CSMD1: variants seen among roughly 807,000 people sequenced by gnomAD.
The protein encoded by CSMD1 is CUB and sushi domain-containing protein 1.
A neutral mutation model predicts 417.5 loss-of-function variants in CSMD1; 213 were observed. The observed-to-expected ratio is 0.51, with a 90% CI of 0.46 to 0.57. The LOEUF (loss-of-function observed/expected upper bound fraction) is 0.57. CSMD1 is among the 20% of genes least tolerant of loss of function. The pLI, the probability that CSMD1 is intolerant of heterozygous loss-of-function variation, is 0.00. For synonymous variants in CSMD1, 2,862 were observed against 1,736.8 expected (o/e 1.65, Z -16.11); for missense variants, 6,923 against 4,529.7 (o/e 1.53, Z -15.17).
intron 26 of CSMD1, among the ~76,000 whole-genome samples, chr8:3,262,094 G>C (rs73500035): frequency 0.023 from 3,497 of 149,854 alleles, 123 homozygotes; most frequent in African/African-American, 0.081. Flanking sequence ...AATTAAAAAA[G>C]TAAAGGTTAT....
intron 1 of CSMD1, among the ~76,000 whole-genome samples, chr8:4,717,069 G>A (rs1447255838): frequency 6.6e-6 from 1 of 151,782 alleles, no homozygotes; most frequent in Non-Finnish European, 1.5e-5. Flanking sequence ...GGAAAAATAA[G>A]TCCTACCTTC....
intron 3 of CSMD1, among the ~76,000 whole-genome samples, chr8:4,342,299 C>T (rs891350628): frequency 1.3e-5 from 2 of 151,716 alleles, no homozygotes; most frequent in Non-Finnish European, 2.9e-5. Context: ...AGCCAAGATT[C>T]AAAGGTGTGC....
chr8:3,773,149 T>C (rs886066557), intron 5 of CSMD1, among the ~76,000 whole-genome samples: 19 of 152,194 alleles, frequency 1.2e-4, no homozygotes, highest in African/African-American at 3.9e-4. Flanking sequence ...CACCTTCTAA[T>C]AGCATTAGGA....
At chr8:3,794,138 G>C (rs1404453812) in intron 5 of CSMD1, among the ~76,000 whole-genome samples, 1 of 152,154 alleles carries the variant, frequency 6.6e-6, no homozygotes, top group Non-Finnish European at 1.5e-5. Context: ...ACCGGTGTTT[G>C]TGTTTTCCCA....
At chr8:3,451,688 A>G (rs188904774) in intron 12 of CSMD1, among the ~76,000 whole-genome samples, 1 of 152,018 alleles carries the variant, frequency 6.6e-6, no homozygotes. Context: ...TCTGTTTTGG[A>G]ACCAGTACCA....
In CSMD1 at chr8:3,374,250, T is replaced by A. The variant is rs576630823; in HGVS notation, c.2783-4880A>T. 4.6e-5 allele frequency among the ~76,000 whole-genome samples: 7 copies of A among 152,178 alleles called. No individual in the cohort carries two copies. In the South Asian group the frequency reaches 1.5e-3, roughly 32 times the overall value. On this transcript the variant is annotated intron_variant, in intron 18 of 69. Coordinates refer to ENST00000635120, the MANE Select transcript of CSMD1 (RefSeq NM_033225.6). ...CTGAGATTACAGGCGTGAGCCACCATGTCCGACCCATCCACCCGTTTTTCA... is the reference window on the plus strand; with the variant it reads ...CTGAGATTACAGGCGTGAGCCACCAAGTCCGACCCATCCACCCGTTTTTCA...
In CSMD1 at chr8:4,386,607, T is replaced by G. The variant is rs546923494; in HGVS notation, c.415+33346A>C. 2.0e-5 allele frequency among the ~76,000 whole-genome samples: 3 copies of G among 152,344 alleles called. No individual in the cohort carries two copies. The South Asian group carries it at 6.2e-4, about 32-fold the overall frequency. On this transcript the variant is annotated intron_variant, in intron 3 of 69. Coordinates refer to ENST00000635120, the MANE Select transcript of CSMD1 (RefSeq NM_033225.6). ...CTGTTACGGCAGGGCATGCAGTTTA[T>G]ATTTAATCAGAGAGACCCTGGCAAG...
chr8:3,354,667 G>A (rs1104305), intron 21 of CSMD1, among the ~76,000 whole-genome samples: 44,491 of 151,360 alleles, frequency 0.29, 6,783 homozygotes, highest in East Asian at 0.47. Context: ...ATTTAGTGCC[G>A]TTATTGGATT....
intron 1 of CSMD1, among the ~76,000 whole-genome samples, chr8:4,864,195 A>G (rs1363284864): frequency 6.6e-6 from 1 of 151,974 alleles, no homozygotes; most frequent in Non-Finnish European, 1.5e-5. Flanking sequence ...AAGTACAACC[A>G]AAACAGACTG....
intron 1 of CSMD1, among the ~76,000 whole-genome samples, chr8:4,957,175 A>G (rs1337342275): frequency 6.6e-6 from 1 of 152,248 alleles, no homozygotes; most frequent in Non-Finnish European, 1.5e-5. Flanking sequence ...TGACAACTGA[A>G]AAACACTGAC....
At chr8:3,510,881 G>C (rs1360558142) in intron 10 of CSMD1, among the ~76,000 whole-genome samples, 1 of 151,726 alleles carries the variant, frequency 6.6e-6, no homozygotes, top group Non-Finnish European at 1.5e-5. Context: ...ATTTGTTTAA[G>C]TTCCTTGTAG....
chr8:4,252,425 G>A (rs1193613319), intron 3 of CSMD1, among the ~76,000 whole-genome samples: 3 of 152,196 alleles, frequency 2.0e-5, no homozygotes, highest in African/African-American at 7.2e-5. Context: ...GACTTGGGAA[G>A]AAATAAACTC....
intron 5 of CSMD1, among the ~76,000 whole-genome samples, chr8:3,898,616 A>C (rs1235066740): frequency 4.6e-5 from 7 of 152,198 alleles, no homozygotes; most frequent in Admixed American, 3.9e-4. Context: ...ATGTTTACTA[A>C]ATCAAAGGTG....
chr8:3,690,715 A>G (rs904818274), intron 7 of CSMD1, among the ~76,000 whole-genome samples: 2 of 152,174 alleles, frequency 1.3e-5, no homozygotes, highest in East Asian at 1.9e-4. Flanking sequence ...TAGCTGATAC[A>G]TCTTTGCCAC....
At chr8:3,963,569 T>C (rs1041555368) in intron 5 of CSMD1, among the ~76,000 whole-genome samples, 3 of 152,220 alleles carry the variant, frequency 2.0e-5, no homozygotes, top group African/African-American at 7.2e-5. Context: ...TTTAAAAATA[T>C]TAAAATCTAC....
intron 1 of CSMD1, among the ~76,000 whole-genome samples, chr8:4,668,216 A>G (rs1016063969): frequency 6.6e-6 from 1 of 151,906 alleles, no homozygotes; most frequent in East Asian, 1.9e-4. Context: ...GATCCTTCCA[A>G]CTTTGATAAT....
At chr8:4,741,453 T>G (rs1164472215) in intron 1 of CSMD1, among the ~76,000 whole-genome samples, 2 of 152,216 alleles carry the variant, frequency 1.3e-5, no homozygotes, top group Non-Finnish European at 2.9e-5. Flanking sequence ...TGTTGAAATA[T>G]GTAATATTTA....
rs1167233782 is a variant in CSMD1, at chr8:3,448,807, T to C, written c.1561+19905A>G. Reference sequence around the variant, plus strand: ...ATAGTGAGTGACTTATTCTCAGTTATATGTCTAAATGACACAACTTCATGG... The same window carrying C: ...ATAGTGAGTGACTTATTCTCAGTTACATGTCTAAATGACACAACTTCATGG... On this transcript the variant is annotated intron_variant, in intron 12 of 69. Transcript: ENST00000635120. Among the ~76,000 whole-genome samples, 3 of 152,226 alleles carry C rather than the reference T, an allele frequency of 2.0e-5. No individual in the cohort carries two copies. The East Asian group carries it at 5.8e-4, about 29-fold the overall frequency.
chr8:3,910,134 A>C (rs1246475233), intron 5 of CSMD1, among the ~76,000 whole-genome samples: 1 of 152,186 alleles, frequency 6.6e-6, no homozygotes, highest in Non-Finnish European at 1.5e-5. Context: ...ACAGTGTGTG[A>C]GCTTTTCTTA....
Sources: allele counts gnomAD v4.1 joint callset (sites outside exome capture counted in the v4.1 genomes callset), GRCh38; gene constraint gnomAD v4.1.1; transcripts MANE v1.5; gene names NCBI Gene and HGNC (gene_info 2026-07-23, HGNC 2026-07-21).